The following CAST variants were observed in gnomAD, a reference collection of about 807,000 sequenced individuals.
CAST encodes calpastatin, also known as MIR583 host.
CAST carries 76 observed loss-of-function variants against 119.6 expected under a neutral mutation model. The observed-to-expected ratio is 0.64, with a 90% CI of 0.53 to 0.77. The LOEUF (loss-of-function observed/expected upper bound fraction) is 0.77, where lower values mean the gene tolerates loss of function less well. Ranked by LOEUF, CAST falls within the 30% of genes least tolerant of loss-of-function variation. The pLI, the probability that CAST is intolerant of heterozygous loss-of-function variation, is 0.00. For missense variants in CAST, 953 were observed against 946.5 expected, an observed-to-expected ratio of 1.01 and a Z score of -0.09; for synonymous variants, 319 against 331.6, an observed-to-expected ratio of 0.96 and a Z score of 0.41.
chr5:96,199,094 G>A, the CAST span, among the ~76,000 whole-genome samples: 1 of 152,204 alleles, frequency 6.6e-6, no homozygotes, highest in Non-Finnish European at 1.5e-5. Context: ...ATTCTCATGG[G>A]TTATGTGACT....
the CAST span, among the ~76,000 whole-genome samples, chr5:96,232,505 T>A: frequency 5.1e-3 from 779 of 152,188 alleles, 9 homozygotes; most frequent in African/African-American, 0.018. Context: ...TAAGAAAATC[T>A]ATGGAGAAAA....
At chr5:96,746,815 T>A (rs1385732453) in intron 17 of CAST, among the ~76,000 whole-genome samples, 1 of 152,226 alleles carries the variant, frequency 6.6e-6, no homozygotes, top group Non-Finnish European at 1.5e-5. Flanking sequence ...GTATCCTAAG[T>A]GAAGGTGGTT....
the CAST span, among the ~76,000 whole-genome samples, chr5:96,073,746 G>A: frequency 1.2e-4 from 18 of 152,224 alleles, no homozygotes; most frequent in East Asian, 1.7e-3. Flanking sequence ...GAGCTCAGGC[G>A]GTAATGCTCA....
the CAST span, among the ~76,000 whole-genome samples, chr5:96,490,382 A>G: frequency 5.1e-4 from 51 of 99,166 alleles, no homozygotes; most frequent in African/African-American, 1.6e-3. Context: ...GTGTGTGTGT[A>G]TGTAAACAGA....
At chr5:96,527,272 G>A (rs1745610816), upstream of CAST, among the ~76,000 whole-genome samples, 1 of 152,176 alleles carries the variant, frequency 6.6e-6, no homozygotes, top group Admixed American at 6.5e-5. Flanking sequence ...TTCCTTGTGA[G>A]TAACTTGTGA....
chr5:96,557,690 C>G (rs1023814630), intron 1 of CAST, among the ~76,000 whole-genome samples: 3 of 152,160 alleles, frequency 2.0e-5, no homozygotes, highest in Non-Finnish European at 4.4e-5. Context: ...TACAGGAGCA[C>G]CCAGATTCAT....
chr5:96,153,697 TCAC>T, the CAST span, among the ~76,000 whole-genome samples: 2 of 152,186 alleles, frequency 1.3e-5, no homozygotes, highest in African/African-American at 4.8e-5. Flanking sequence ...CAAATACTTA[TCAC>T]TGCTATCAAT....
At chr5:96,722,426 GT>G (rs1170353166) in intron 3 of CAST, among the ~76,000 whole-genome samples, 3 of 144,390 alleles carry the variant, frequency 2.1e-5, no homozygotes, top group Non-Finnish European at 4.6e-5. Flanking sequence ...ACCCGAGATT[GT>G]TTAGTAAATA....
At chr5:96,720,843 T>G (rs552554077) in intron 3 of CAST, among the ~76,000 whole-genome samples, 1 of 152,372 alleles carries the variant, frequency 6.6e-6, no homozygotes, top group East Asian at 1.9e-4. Context: ...CTAAAGATTT[T>G]CAGCTTCAGA....
chr5:96,325,328 G>T, the CAST span, among the ~76,000 whole-genome samples: 1 of 151,688 alleles, frequency 6.6e-6, no homozygotes, highest in African/African-American at 2.4e-5. Context: ...AATAAATTTG[G>T]GATGTAAAAT....
At chr5:96,743,040 T>C (rs1042014493) in intron 16 of CAST, among the ~76,000 whole-genome samples, 1 of 152,116 alleles carries the variant, frequency 6.6e-6, no homozygotes, top group Admixed American at 6.5e-5. Context: ...CAATGCCTGG[T>C]GGGAAATAGT....
intron 9 of CAST, 81 bp downstream of exon 9, chr5:96,730,941 C>T (rs1260087542): frequency 2.8e-6 from 3 of 1,090,890 alleles, no homozygotes; most frequent in Non-Finnish European, 4.2e-6. Context: ...CTCAAATAAC[C>T]TATCATCTGG....
At chr5:96,730,958 T>G (rs112731695) in intron 9 of CAST, 98 bp downstream of exon 9, 5 of 853,438 alleles carry the variant, frequency 5.9e-6, no homozygotes, top group Non-Finnish European at 1.0e-5. Context: ...CTGGCAAAAC[T>G]GAACACTGCT....
chr5:96,145,771 C>T, the CAST span, among the ~76,000 whole-genome samples: 2 of 152,166 alleles, frequency 1.3e-5, no homozygotes, highest in African/African-American at 4.8e-5. Context: ...TTTATTATAT[C>T]TCCTAAATCT....
the CAST span, among the ~76,000 whole-genome samples, chr5:96,443,800 G>A: frequency 6.6e-6 from 1 of 152,160 alleles, no homozygotes; most frequent in Non-Finnish European, 1.5e-5. Flanking sequence ...GCAAGTCACG[G>A]ACAGAGATTA....
intron 16 of CAST, among the ~76,000 whole-genome samples, chr5:96,745,058 A>C (rs1260069239): frequency 1.3e-5 from 2 of 152,128 alleles, no homozygotes; most frequent in African/African-American, 4.8e-5. Context: ...CTCTGGCCGC[A>C]TGTGTAACTT....
chr5:96,681,860 C>T (rs1751469399), intron 2 of CAST, among the ~76,000 whole-genome samples: 1 of 151,780 alleles, frequency 6.6e-6, no homozygotes, highest in African/African-American at 2.4e-5. Flanking sequence ...GTTTCGGTTT[C>T]CCTTGTTTCT....
chr5:96,036,181 TA>T, the CAST span, among the ~76,000 whole-genome samples: 2 of 151,536 alleles, frequency 1.3e-5, no homozygotes, highest in African/African-American at 4.9e-5. Context: ...GGAATTTTCC[TA>T]AAGAGACAAT....
intron 9 of CAST, among the ~76,000 whole-genome samples, chr5:96,735,863 T>C (rs1427703396): frequency 6.6e-6 from 1 of 152,214 alleles, no homozygotes; most frequent in Non-Finnish European, 1.5e-5. Flanking sequence ...AAAAACTGGC[T>C]GTGGGCCCTG....
Sources: gnomAD v4.1 joint callset for allele counts (sites outside exome capture counted in the v4.1 genomes callset) on GRCh38, gnomAD v4.1.1 for gene constraint, MANE v1.5 for transcripts, NCBI Gene and HGNC (gene_info 2026-07-23, HGNC 2026-07-21) for gene names.